The following ERC2 variants were observed in gnomAD, a reference collection of about 807,000 sequenced individuals.
The protein encoded by ERC2 is ELKS/RAB6-interacting/CAST family member 2.
Under a neutral mutation model 114.8 loss-of-function variants are expected in ERC2, and 42 were observed. That is an observed-to-expected ratio of 0.37 (90% confidence interval 0.29 to 0.47). ERC2 has a LOEUF of 0.47. ERC2 is among the 20% of genes least tolerant of loss of function. ERC2 has a pLI of 0.99. For synonymous variants in ERC2, 454 were observed against 425.5 expected (o/e 1.07, Z -0.82); for missense variants, 939 against 1,150.7 (o/e 0.82, Z 2.66).
At chr3:56,155,402 G>A (rs2081651006) in intron 4 of ERC2, among the ~76,000 whole-genome samples, 1 of 151,220 alleles carries the variant, frequency 6.6e-6, no homozygotes, top group African/African-American at 2.4e-5. Context: ...ATGACTGGAT[G>A]TGGCCTTCTT....
chr3:55,956,283 C>G (rs2067946974), intron 12 of ERC2, among the ~76,000 whole-genome samples: 1 of 152,146 alleles, frequency 6.6e-6, no homozygotes, highest in South Asian at 2.1e-4. Flanking sequence ...CTAATGGAAG[C>G]ATTGCAGGAA....
chr3:55,828,446 C>A (rs1449511099), intron 14 of ERC2, among the ~76,000 whole-genome samples: 1 of 97,940 alleles, frequency 1.0e-5, no homozygotes, highest in African/African-American at 6.8e-5. Context: ...TGCCTAAAGG[C>A]GGAGTGTAGC....
chr3:55,683,925 G>A, intron 16 of ERC2, 66 bp from the exon 17 acceptor site: 3 of 1,559,014 alleles, frequency 1.9e-6, no homozygotes, highest in Non-Finnish European at 2.6e-6. Context: ...AAGAAGAGAA[G>A]GTTAGTTACA....
chr3:56,394,054 T>C (rs2060219950), intron 2 of ERC2, among the ~76,000 whole-genome samples: 1 of 152,174 alleles, frequency 6.6e-6, no homozygotes, highest in Non-Finnish European at 1.5e-5. Context: ...TTTTCTCTAC[T>C]AGCTAAAAGG....
At chr3:55,717,091 T>C (rs1411007216) in intron 15 of ERC2, among the ~76,000 whole-genome samples, 26 of 152,212 alleles carry the variant, frequency 1.7e-4, no homozygotes, top group Admixed American at 1.7e-3. Context: ...TGCTGGGCGA[T>C]GTTAAAACAG....
At chr3:55,692,033 C>A (rs1419224646) in intron 16 of ERC2, among the ~76,000 whole-genome samples, 3 of 152,098 alleles carry the variant, frequency 2.0e-5, no homozygotes, top group Admixed American at 1.3e-4. Flanking sequence ...AAAATAAATT[C>A]TTTTTATTCC....
At chr3:56,244,712 C>T (rs1438210709) in intron 3 of ERC2, among the ~76,000 whole-genome samples, 1 of 152,048 alleles carries the variant, frequency 6.6e-6, no homozygotes, top group Non-Finnish European at 1.5e-5. Flanking sequence ...TTACAGTAAG[C>T]TAAAAAAGTT....
In ERC2 at chr3:55,547,791, T is replaced by G. The variant is rs2054863078; in HGVS notation, c.*40-36515A>C. On this transcript the variant is annotated intron_variant, in intron 17 of 17. Transcript: ENST00000288221. The stretch of plus-strand genomic sequence containing the variant: ...TGAAGGAATTGTCAAATGAAAGAAT[T>G]TTGCTACTAAAAGCGTTTTATAAGA... 3.3e-5 allele frequency among the ~76,000 whole-genome samples: 5 copies of G among 152,256 alleles called. 2 individuals are homozygous for G. The South Asian group carries it at 1.0e-3, about 32-fold the overall frequency.
intron 3 of ERC2, among the ~76,000 whole-genome samples, chr3:56,243,693 C>T (rs4974127): frequency 0.24 from 35,998 of 151,930 alleles, 4,967 homozygotes; most frequent in Non-Finnish European, 0.3. Context: ...AACAGAAAAT[C>T]ATTTGGGATG....
intron 17 of ERC2, among the ~76,000 whole-genome samples, chr3:55,677,095 C>A (rs186763820): frequency 4.6e-5 from 7 of 152,204 alleles, no homozygotes; most frequent in Non-Finnish European, 1.0e-4. Context: ...TGGACTGAGA[C>A]ATTATTATCC....
At chr3:55,638,447 T>C (rs2060043124) in intron 17 of ERC2, among the ~76,000 whole-genome samples, 1 of 152,258 alleles carries the variant, frequency 6.6e-6, no homozygotes, top group South Asian at 2.1e-4. Flanking sequence ...GTCATCGTTG[T>C]GCATAGCTTT....
intron 3 of ERC2, among the ~76,000 whole-genome samples, chr3:56,292,196 C>T (rs143513342): frequency 2.3e-3 from 351 of 152,248 alleles, no homozygotes; most frequent in Non-Finnish European, 3.8e-3. Context: ...CCCAAGTTCA[C>T]TTGGCACTGC....
At chr3:56,254,083 TG>T (rs2052356533) in intron 3 of ERC2, among the ~76,000 whole-genome samples, 1 of 152,206 alleles carries the variant, frequency 6.6e-6, no homozygotes, top group Admixed American at 6.5e-5. Flanking sequence ...TTAGATGGAT[TG>T]GGAGAGGGCT....
chr3:56,445,921 T>C (rs77224782), intron 1 of ERC2, among the ~76,000 whole-genome samples: 9,369 of 152,092 alleles, frequency 0.062, 544 homozygotes, highest in East Asian at 0.31. Context: ...TTTTTCATGA[T>C]GTGAAAGACA....
chr3:55,888,359 G>C (rs1186568039), intron 14 of ERC2, 30 bp downstream of exon 14: 1 of 1,612,650 alleles, frequency 6.2e-7, no homozygotes, highest in Non-Finnish European at 8.5e-7. Flanking sequence ...CTAGAAGAGA[G>C]AGGCTACCAA....
intron 15 of ERC2, among the ~76,000 whole-genome samples, chr3:55,709,815 C>T (rs1187840504): frequency 6.6e-6 from 1 of 152,082 alleles, no homozygotes; most frequent in African/African-American, 2.4e-5. Context: ...AGTTTTGACT[C>T]CAGGAGGTGT....
chr3:56,309,011 C>T lies in ERC2; in HGVS notation c.658-12576G>A, dbSNP rs113270035. ...TCCTATGTACAGGCTGTACAACACTCTTCATGACTTCAAATCTTCCTTAGG... is the reference window on the plus strand; with the variant it reads ...TCCTATGTACAGGCTGTACAACACTTTTCATGACTTCAAATCTTCCTTAGG... On this transcript the variant is annotated intron_variant, in intron 2 of 17. Coordinates refer to ENST00000288221, the MANE Select transcript of ERC2 (RefSeq NM_015576.3). Among the ~76,000 whole-genome samples, 1,127 of 152,320 alleles carry T rather than the reference C, an allele frequency of 7.4e-3. 21 individuals are homozygous for T. The highest frequency in any genetic ancestry group is 0.026 in the African/African-American group (1,078 of 41,568).
chr3:55,783,484 C>T (rs534513996), intron 14 of ERC2, among the ~76,000 whole-genome samples: 1 of 152,186 alleles, frequency 6.6e-6, no homozygotes, highest in African/African-American at 2.4e-5. Flanking sequence ...CATTTACTAG[C>T]ACTGAATTGA....
intron 15 of ERC2, among the ~76,000 whole-genome samples, chr3:55,708,285 C>G (rs1365268457): frequency 1.3e-5 from 2 of 152,208 alleles, no homozygotes; most frequent in Non-Finnish European, 2.9e-5. Context: ...GCTAGGCTAA[C>G]ACATTAGCAA....
Sources: allele counts gnomAD v4.1 joint callset (sites outside exome capture counted in the v4.1 genomes callset), GRCh38; gene constraint gnomAD v4.1.1; transcripts MANE v1.5; gene names NCBI Gene and HGNC (gene_info 2026-07-23, HGNC 2026-07-21).